The following PTCHD4 variants were observed in gnomAD, a reference collection of about 807,000 sequenced individuals.
PTCHD4 encodes patched domain containing 4, also known as patched domain-containing protein 4.
PTCHD4 carries 33 observed loss-of-function variants against 58.1 expected under a neutral mutation model. The observed-to-expected ratio is 0.57, with a 90% CI of 0.43 to 0.76. The LOEUF (loss-of-function observed/expected upper bound fraction) is 0.76. PTCHD4 is among the 30% of genes least tolerant of loss of function. The probability of loss-of-function intolerance (pLI) is 0.00; values close to 1 mark genes in which losing one functional copy is unlikely to be tolerated. For missense variants in PTCHD4, 1,058 were observed against 1,027.1 expected (o/e 1.03, Z -0.41); for synonymous variants, 478 against 409.6 (o/e 1.17, Z -2.02).
At chr6:48,007,598 A>G (rs904366938) in intron 4 of PTCHD4, among the ~76,000 whole-genome samples, 2 of 152,166 alleles carry the variant, frequency 1.3e-5, no homozygotes, top group African/African-American at 4.8e-5. Flanking sequence ...CTTTATTTGT[A>G]TGGAATATAT....
intron 3 of PTCHD4, among the ~76,000 whole-genome samples, chr6:48,019,693 A>C (rs541384087): frequency 6.6e-6 from 1 of 151,174 alleles, no homozygotes; most frequent in Non-Finnish European, 1.5e-5. Context: ...CTGAGATGGC[A>C]CCACTGCACT....
intron 3 of PTCHD4, among the ~76,000 whole-genome samples, chr6:48,052,856 G>A (rs1323542002): frequency 3.9e-5 from 6 of 152,012 alleles, no homozygotes; most frequent in African/African-American, 9.7e-5. Flanking sequence ...TTCACCTTAT[G>A]TATCAAGGGA....
rs12201266 is a variant in PTCHD4 at position 47,859,290 on chromosome 6, C to T, written c.*19013G>A. Among the ~76,000 whole-genome samples, 3 of 151,972 alleles carry T rather than the reference C, an allele frequency of 2.0e-5. No individual in the cohort carries two copies. Among genetic ancestry groups the T allele is most frequent in the African/African-American group, 4.8e-5 (2 of 41,398 alleles). On this transcript the variant is annotated 3_prime_UTR_variant, in exon 5 of 5. Coordinates refer to ENST00000339488, the MANE Select transcript of PTCHD4 (RefSeq NM_001384253.1). ...TTCTTTCCATTGACAAGCTAGGATACGAGCACAGTCCCTGCTCTGCCAAAG... is the reference window on the plus strand; with the variant it reads ...TTCTTTCCATTGACAAGCTAGGATATGAGCACAGTCCCTGCTCTGCCAAAG...
At chr6:48,007,729 C>T (rs76742026) in intron 4 of PTCHD4, among the ~76,000 whole-genome samples, 18,752 of 152,180 alleles carry the variant, frequency 0.12, 1,507 homozygotes, top group South Asian at 0.2. Flanking sequence ...TGTCAGTTCA[C>T]CACCAATAAG....
Position 47,974,648 on chromosome 6 carries a change from G to A in PTCHD4, c.898+33986C>T, listed in dbSNP as rs189446015. Reference sequence around the variant, plus strand: ...AGGCATTGCTAAATATCCCCTGGGAGGCAAAATTGCCCCTGGTTGAGAATG... The same window carrying A: ...AGGCATTGCTAAATATCCCCTGGGAAGCAAAATTGCCCCTGGTTGAGAATG... On this transcript the variant is annotated intron_variant, in intron 4 of 4. Coordinates refer to ENST00000339488, the MANE Select transcript of PTCHD4 (RefSeq NM_001384253.1). Among the ~76,000 whole-genome samples the A allele has an allele frequency of 1.1e-4, 17 of 152,256 alleles. No individual in the cohort carries two copies. The East Asian group carries it at 1.4e-3, about 12-fold the overall frequency.
intron 1 of PTCHD4, among the ~76,000 whole-genome samples, chr6:48,108,103 A>G (rs995631693): frequency 4.6e-5 from 7 of 152,234 alleles, no homozygotes; most frequent in Admixed American, 6.5e-5. Context: ...ATTACTGGGC[A>G]TATACCCAAA....
intron 4 of PTCHD4, among the ~76,000 whole-genome samples, chr6:47,933,177 G>A (rs1005012218): frequency 7.2e-5 from 11 of 152,318 alleles, no homozygotes; most frequent in African/African-American, 2.4e-4. Context: ...TGGAAGGCCA[G>A]GTTGACATCT....
intron 1 of PTCHD4, among the ~76,000 whole-genome samples, chr6:48,094,485 A>G (rs1287153335): frequency 6.6e-6 from 1 of 152,216 alleles, no homozygotes; most frequent in East Asian, 1.9e-4. Flanking sequence ...AAGTCTGCAA[A>G]GGCCCCACTG....
At chr6:48,024,040 C>T (rs1763157583) in intron 3 of PTCHD4, among the ~76,000 whole-genome samples, 1 of 152,130 alleles carries the variant, frequency 6.6e-6, no homozygotes, top group Admixed American at 6.6e-5. Context: ...TACTTAGAGT[C>T]TCTAAGTGTC....
At chr6:48,066,471 G>A (rs1462636299) in intron 3 of PTCHD4, among the ~76,000 whole-genome samples, 1 of 152,172 alleles carries the variant, frequency 6.6e-6, no homozygotes. Context: ...ATATGACAAA[G>A]TTTCAAATCT....
chr6:47,979,782 A>G (rs1372693575), intron 4 of PTCHD4, among the ~76,000 whole-genome samples: 4 of 152,052 alleles, frequency 2.6e-5, no homozygotes, highest in Non-Finnish European at 5.9e-5. Context: ...AGAGGAGAAT[A>G]CTATCCTTAG....
chr6:47,930,688 G>A (rs1282403423), intron 4 of PTCHD4, among the ~76,000 whole-genome samples: 1 of 152,166 alleles, frequency 6.6e-6, no homozygotes, highest in Non-Finnish European at 1.5e-5. Flanking sequence ...TGAGTTAGCA[G>A]CTTCACATTA....
chr6:48,055,595 T>A (rs982926487), intron 3 of PTCHD4, among the ~76,000 whole-genome samples: 7 of 151,938 alleles, frequency 4.6e-5, no homozygotes, highest in African/African-American at 1.2e-4. Context: ...TTAAAAACAA[T>A]CCCCAAGGTG....
chr6:48,103,199 C>T (rs1765644799), intron 1 of PTCHD4, among the ~76,000 whole-genome samples: 2 of 152,136 alleles, frequency 1.3e-5, no homozygotes, highest in Non-Finnish European at 2.9e-5. Context: ...TGGGAGACAC[C>T]CCCCAGTAGG....
At chr6:48,004,566 G>A (rs1041036142) in intron 4 of PTCHD4, among the ~76,000 whole-genome samples, 19 of 152,274 alleles carry the variant, frequency 1.2e-4, no homozygotes, top group African/African-American at 4.6e-4. Flanking sequence ...ATTGGTATGT[G>A]CTTAGAGAGA....
rs952242387 is a variant in PTCHD4, at chr6:47,861,903, T to C, written c.*16400A>G. On this transcript the variant is annotated 3_prime_UTR_variant, in exon 5 of 5. Transcript: ENST00000339488. ...ATTAATGAATGAATGATATGGCTAG[T>C]TCATCAGGTCATTTTATTTTCCTAG... 6.6e-6 allele frequency among the ~76,000 whole-genome samples: 1 copy of C among 151,906 alleles called. No individual in the cohort carries two copies. Among genetic ancestry groups the C allele is most frequent in the Admixed American group, 6.6e-5 (1 of 15,212 alleles).
intron 1 of PTCHD4, among the ~76,000 whole-genome samples, chr6:48,082,190 G>C (rs965911905): frequency 2.0e-5 from 3 of 152,146 alleles, no homozygotes; most frequent in African/African-American, 7.2e-5. Flanking sequence ...TTCTTCTGTA[G>C]CCAGCAGAGT....
rs913071791 is a variant in PTCHD4, at chr6:47,858,315, C to A, written c.*19988G>T. On this transcript the variant is annotated 3_prime_UTR_variant, in exon 5 of 5. Coordinates refer to ENST00000339488, the MANE Select transcript of PTCHD4 (RefSeq NM_001384253.1). The stretch of plus-strand genomic sequence containing the variant: ...TTCACCTTACTCCATTAATAAATTT[C>A]TTCTGTAGAACAAAGTAATGTGTAT... Among the ~76,000 whole-genome samples, 9 of 151,942 alleles carry A rather than the reference C, an allele frequency of 5.9e-5. No homozygotes were observed. The highest frequency in any genetic ancestry group is 2.4e-5 in the African/African-American group (1 of 41,386).
chr6:48,054,782 G>A (rs145382024), intron 3 of PTCHD4, among the ~76,000 whole-genome samples: 1 of 152,036 alleles, frequency 6.6e-6, no homozygotes, highest in East Asian at 1.9e-4. Context: ...ATAGTTAAAG[G>A]CTGGAAATAA....
Sources: allele counts gnomAD v4.1 joint callset (sites outside exome capture counted in the v4.1 genomes callset), GRCh38; gene constraint gnomAD v4.1.1; transcripts MANE v1.5; gene names NCBI Gene and HGNC (gene_info 2026-07-23, HGNC 2026-07-21).